FUT8: variants seen among roughly 807,000 people sequenced by gnomAD.
FUT8 encodes the protein alpha-(1,6)-fucosyltransferase.
Under a neutral mutation model 71.3 loss-of-function variants are expected in FUT8, and 29 were observed. The ratio of observed to expected loss-of-function variants is 0.41; its 90% CI spans 0.30 to 0.55. The LOEUF is 0.55. Ranked by LOEUF, FUT8 falls within the 20% of genes least tolerant of loss-of-function variation. FUT8 has a pLI of 0.34. For missense variants in FUT8, 544 were observed against 702.1 expected (o/e 0.77, Z 2.55); for synonymous variants, 254 against 239.3 (o/e 1.06, Z -0.57).
the FUT8 span, among the ~76,000 whole-genome samples, chr14:65,381,501 T>C: frequency 6.6e-6 from 1 of 152,224 alleles, no homozygotes. Flanking sequence ...AATGAGGTAA[T>C]GTGGTAAAAT....
At chr14:65,604,370 A>G (rs1256851305) in intron 3 of FUT8, among the ~76,000 whole-genome samples, 2 of 151,918 alleles carry the variant, frequency 1.3e-5, no homozygotes, top group Non-Finnish European at 2.9e-5. Context: ...AAGTCTCAAT[A>G]AATTTAAGAA....
intron 10 of FUT8, among the ~76,000 whole-genome samples, chr14:65,734,625 G>C (rs1375439684): frequency 6.6e-6 from 1 of 152,152 alleles, no homozygotes; most frequent in Non-Finnish European, 1.5e-5. Context: ...TTGCAAGAAA[G>C]GGGCAAGGTT....
chr14:65,636,113 T>C (rs1480863121), intron 6 of FUT8, among the ~76,000 whole-genome samples: 1 of 152,202 alleles, frequency 6.6e-6, no homozygotes, highest in African/African-American at 2.4e-5. Context: ...CTAGGTTTTC[T>C]AGTTTATGTG....
At chr14:65,737,607 T>C (rs950167416) in intron 10 of FUT8, among the ~76,000 whole-genome samples, 2 of 152,116 alleles carry the variant, frequency 1.3e-5, no homozygotes, top group Non-Finnish European at 2.9e-5. Flanking sequence ...TCTGAAAATA[T>C]TGCTTATCAG....
chr14:65,690,151 T>C (rs1319165476), intron 7 of FUT8, among the ~76,000 whole-genome samples: 2 of 152,246 alleles, frequency 1.3e-5, no homozygotes, highest in African/African-American at 2.4e-5. Flanking sequence ...CTTTTCTCCA[T>C]TGGATTGCCT....
intron 1 of FUT8, among the ~76,000 whole-genome samples, chr14:65,435,945 A>G (rs1347695577): frequency 1.6e-5 from 2 of 124,104 alleles, no homozygotes; most frequent in Admixed American, 1.6e-4. Flanking sequence ...TTTTTTCTTT[A>G]AAAGACAGAG....
chr14:65,520,887 AATTGT>A (rs1423756913), intron 2 of FUT8, among the ~76,000 whole-genome samples: 1 of 152,162 alleles, frequency 6.6e-6, no homozygotes, highest in Admixed American at 6.5e-5. Flanking sequence ...GATCTCCAGA[AATTGT>A]ATATTTAGCT....
chr14:65,490,499 A>G (rs2066466723), intron 2 of FUT8, among the ~76,000 whole-genome samples: 1 of 152,136 alleles, frequency 6.6e-6, no homozygotes, highest in Non-Finnish European at 1.5e-5. Flanking sequence ...GCTAATGTTG[A>G]CATTATTACA....
intron 6 of FUT8, among the ~76,000 whole-genome samples, chr14:65,649,834 C>A (rs1258461676): frequency 6.6e-6 from 1 of 152,196 alleles, no homozygotes; most frequent in Non-Finnish European, 1.5e-5. Context: ...TCTGAAAATA[C>A]ACTTATTAGT....
intron 7 of FUT8, among the ~76,000 whole-genome samples, chr14:65,698,497 A>G (rs1039428970): frequency 6.6e-6 from 1 of 152,234 alleles, no homozygotes; most frequent in African/African-American, 2.4e-5. Flanking sequence ...AGAAGTGTCC[A>G]TGTAGCTTAG....
intron 6 of FUT8, among the ~76,000 whole-genome samples, chr14:65,639,110 T>A (rs908751023): frequency 2.7e-5 from 4 of 150,576 alleles, no homozygotes; most frequent in African/African-American, 9.7e-5. Context: ...AAAAAAAAAA[T>A]GAACAACTTG....
chr14:65,696,166 T>G (rs1033181167), intron 7 of FUT8, among the ~76,000 whole-genome samples: 23 of 152,192 alleles, frequency 1.5e-4, no homozygotes, highest in Non-Finnish European at 4.4e-5. Flanking sequence ...AAAAAAGATT[T>G]CATTTATACC....
chr14:65,559,298 G>T (rs1439825194), intron 2 of FUT8, among the ~76,000 whole-genome samples: 1 of 152,074 alleles, frequency 6.6e-6, no homozygotes, highest in East Asian at 1.9e-4. Flanking sequence ...TGTAGTTTTA[G>T]TATTCTTGAT....
At chr14:65,553,070 C>G (rs1221655697) in intron 2 of FUT8, among the ~76,000 whole-genome samples, 1 of 152,316 alleles carries the variant, frequency 6.6e-6, no homozygotes, top group East Asian at 1.9e-4. Context: ...ATCCTCCCAC[C>G]TCAGCCTCCC....
chr14:65,573,173 A>G (rs1213634981), intron 3 of FUT8, among the ~76,000 whole-genome samples: 2 of 152,104 alleles, frequency 1.3e-5, no homozygotes, highest in African/African-American at 2.4e-5. Flanking sequence ...CTAGAAGTCT[A>G]TCATGTAGAG....
rs12889365 is a variant in FUT8, at chr14:65,449,054, C to A, written c.-325-6567C>A. Among the ~76,000 whole-genome samples, 1,133 of 152,192 alleles carry A rather than the reference C, an allele frequency of 7.4e-3. 6 individuals carry two copies. Among genetic ancestry groups the A allele is most frequent in the Non-Finnish European group, 0.012 (814 of 68,000 alleles). ...ATTTTGTAATGTCAAACAGAACTTA[C>A]AAATTTAGGACAGATTTACCTAGAC... On this transcript the variant is annotated intron_variant, in intron 1 of 10. Coordinates refer to ENST00000673929, the MANE Select transcript of FUT8 (RefSeq NM_001371533.1).
rs76197796 is a variant in FUT8, at chr14:65,580,500, C to T, written c.203+18734C>T. Among the ~76,000 whole-genome samples, 246 of 151,414 alleles carry T rather than the reference C, an allele frequency of 1.6e-3. 6 individuals are homozygous for T. In the East Asian group the frequency reaches 0.04, roughly 24 times the overall value. ...TTGTAGAAAATACATGTTATGTGTG[C>T]GTGTATATAACACACTATGTATACA... On this transcript the variant is annotated intron_variant, in intron 3 of 10. Coordinates refer to ENST00000673929, the MANE Select transcript of FUT8 (RefSeq NM_001371533.1).
intron 2 of FUT8, among the ~76,000 whole-genome samples, chr14:65,502,208 G>A (rs770507528): frequency 2.0e-5 from 3 of 151,422 alleles, no homozygotes; most frequent in Non-Finnish European, 2.9e-5. Context: ...ACCATGCCTG[G>A]CTGGGTCCAC....
At chr14:65,436,415 G>A (rs1225651715) in intron 1 of FUT8, among the ~76,000 whole-genome samples, 1 of 152,122 alleles carries the variant, frequency 6.6e-6, no homozygotes, top group Non-Finnish European at 1.5e-5. Flanking sequence ...CAGATCACGA[G>A]GTCAGGAGAT....
Sources: gnomAD v4.1 joint callset for allele counts (sites outside exome capture counted in the v4.1 genomes callset) on GRCh38, gnomAD v4.1.1 for gene constraint, MANE v1.5 for transcripts, NCBI Gene and HGNC (gene_info 2026-07-23, HGNC 2026-07-21) for gene names.